The following DAAM2 variants were observed in gnomAD, a reference collection of about 807,000 sequenced individuals.
DAAM2 encodes disheveled-associated activator of morphogenesis 2.
A neutral mutation model predicts 120.7 loss-of-function variants in DAAM2; 39 were observed. That is an observed-to-expected ratio of 0.32 (90% CI 0.25 to 0.42). The LOEUF is 0.42. Ranked by LOEUF, DAAM2 falls within the 10% of genes least tolerant of loss-of-function variation. The pLI, the probability that DAAM2 is intolerant of heterozygous loss-of-function variation, is 1.00. For synonymous variants in DAAM2, 488 were observed against 524.9 expected, an observed-to-expected ratio of 0.93 and a Z score of 0.96; for missense variants, 1,283 against 1,401.7, an observed-to-expected ratio of 0.92 and a Z score of 1.35.
intron 10 of DAAM2, among the ~76,000 whole-genome samples, chr6:39,873,583 C>T (rs1764751807): frequency 6.6e-6 from 1 of 152,214 alleles, no homozygotes; most frequent in Non-Finnish European, 1.5e-5. Flanking sequence ...TGGCCCTGAG[C>T]AACTCCAACA....
At chr6:39,829,970 G>C (rs1337408360) in intron 1 of DAAM2, among the ~76,000 whole-genome samples, 1 of 152,226 alleles carries the variant, frequency 6.6e-6, no homozygotes, top group South Asian at 2.1e-4. Context: ...TCCCCACGCT[G>C]AGTTAGAGAC....
intron 1 of DAAM2, among the ~76,000 whole-genome samples, chr6:39,834,346 C>G (rs1032512667): frequency 1.1e-4 from 17 of 152,150 alleles, no homozygotes; most frequent in Non-Finnish European, 2.4e-4. Flanking sequence ...TATGACTTTT[C>G]ACTAACTGTT....
At chr6:39,861,554 G>C (rs993001618) in intron 3 of DAAM2, 3 of 212,120 alleles carry the variant, frequency 1.4e-5, no homozygotes, top group Non-Finnish European at 2.9e-5. Flanking sequence ...AGCTCCAGTG[G>C]GGCTTAATTG....
intron 7 of DAAM2, among the ~76,000 whole-genome samples, chr6:39,869,625 T>C (rs1363274568): frequency 1.3e-5 from 2 of 151,832 alleles, no homozygotes; most frequent in Non-Finnish European, 2.9e-5. Flanking sequence ...ATAGAAGAAC[T>C]TGAAGAGCAG....
At chr6:39,881,562 C>A (rs1765120499) in intron 14 of DAAM2, among the ~76,000 whole-genome samples, 1 of 151,614 alleles carries the variant, frequency 6.6e-6, no homozygotes, top group South Asian at 2.1e-4. Context: ...ACTAAAAATA[C>A]AAAAATTAGC....
rs112726052 is a variant in DAAM2 at position 39,878,160 on chromosome 6, A to G, written c.1302-43A>G. 0.012 allele frequency: 18,603 copies of G among 1,606,512 alleles called. 150 individuals carry two copies. The highest frequency in any genetic ancestry group is 0.014 in the Non-Finnish European group (16,668 of 1,174,384). ...ATGTCTCCTGGGAAGCTGTGAATCA[A>G]TGGTCAACAATCACATTGCCCCTTC... On this transcript the variant is annotated intron_variant, in intron 11 of 24. Transcript: ENST00000274867. The surrounding 1 kb of genome is among the most constrained non-coding windows in gnomAD (Gnocchi z 5.0).
At chr6:39,814,031 G>A (rs1330653751) in intron 1 of DAAM2, among the ~76,000 whole-genome samples, 1 of 152,154 alleles carries the variant, frequency 6.6e-6, no homozygotes, top group African/African-American at 2.4e-5. Flanking sequence ...TGGGATGGAG[G>A]ATCTTTTAAA....
At chr6:39,859,881 C>G (rs931267499) in intron 2 of DAAM2, among the ~76,000 whole-genome samples, 1 of 152,092 alleles carries the variant, frequency 6.6e-6, no homozygotes, top group Non-Finnish European at 1.5e-5. Context: ...GAAAAGATTA[C>G]AGATATCAAA....
In DAAM2 at chr6:39,807,219, T is replaced by G. The variant is rs891974411; in HGVS notation, c.-57+14754T>G. Among the ~76,000 whole-genome samples the G allele has an allele frequency of 2.0e-5, 3 of 150,410 alleles. No individual in the cohort carries two copies. The East Asian group carries it at 5.8e-4, about 29-fold the overall frequency. On this transcript the variant is annotated intron_variant, in intron 1 of 24. Coordinates refer to ENST00000274867, the MANE Select transcript of DAAM2 (RefSeq NM_001201427.2). ...AAAAAAAAAGGGTGCTAGACATTGT[T>G]AAAGACAGATACTAGTGACATATAA... is the stretch of plus-strand genomic sequence containing the variant.
chr6:39,826,572 A>G (rs1762681309), intron 1 of DAAM2, among the ~76,000 whole-genome samples: 2 of 152,060 alleles, frequency 1.3e-5, no homozygotes, highest in South Asian at 4.2e-4. Flanking sequence ...AACATATCCA[A>G]TTTGCCTCAC....
chr6:39,846,350 G>A lies in DAAM2; in HGVS notation c.-56-9897G>A, dbSNP rs187380921. Among the ~76,000 whole-genome samples the A allele has an allele frequency of 1.8e-3, 280 of 152,282 alleles. 4 individuals are homozygous for A. Among genetic ancestry groups the A allele is most frequent in the Admixed American group, 0.016 (246 of 15,294 alleles). ...TTCAATTCAAACAGCATCATTTAACGCCTCATATACTGTCTGACACAGATT... is the reference window on the plus strand; with the variant it reads ...TTCAATTCAAACAGCATCATTTAACACCTCATATACTGTCTGACACAGATT... On this transcript the variant is annotated intron_variant, in intron 1 of 24. Transcript: ENST00000274867.
rs767377772 is a variant in DAAM2, at chr6:39,902,059, G to A, written c.*22G>A. 2.5e-6 allele frequency: 4 copies of A among 1,572,892 alleles called. No individual in the cohort carries two copies. In the African/African-American group the frequency reaches 5.4e-5, roughly 21 times the overall value. On this transcript the variant is annotated 3_prime_UTR_variant, in exon 25 of 25. Transcript: ENST00000274867. Reference sequence around the variant, plus strand: ...TTGACCTGGGGAACTAGCCACACAGGAGGCCGGGAGACAGGGACTGGTGAG... The same window carrying A: ...TTGACCTGGGGAACTAGCCACACAGAAGGCCGGGAGACAGGGACTGGTGAG...
chr6:39,898,893 A>G lies in DAAM2; in HGVS notation c.2635A>G (p.Lys879Glu), dbSNP rs1360251219. ...TCCTTACAGCCTAGCAGAACTGGAG[A>G]AGGAGGTGGGCAACCTCAGGAGGGG... Reference protein sequence around the residue: ...AAKVNLAELEKEVGNLRRGLR... With the variant: ...AAKVNLAELEEEVGNLRRGLR... The change falls in exon 22 of 25, where the codon AAG (lysine) becomes GAG (glutamate). Residue 879 changes from lysine (K) to glutamate (E), a missense_variant. Physicochemically the swap from Lys to Glu is moderately conservative, Grantham distance 56 (BLOSUM62 1). Coordinates refer to ENST00000274867, the MANE Select transcript of DAAM2 (RefSeq NM_001201427.2). 2 of 1,612,734 alleles carry G rather than the reference A, an allele frequency of 1.2e-6. No individual in the cohort carries two copies. The highest frequency in any genetic ancestry group is 2.2e-5 in the South Asian group (2 of 90,598).
At chr6:39,892,912 TA>T (rs1765823515) in intron 19 of DAAM2, among the ~76,000 whole-genome samples, 1 of 152,152 alleles carries the variant, frequency 6.6e-6, no homozygotes, top group South Asian at 2.1e-4. Context: ...GTGGTAAGCA[TA>T]GATAATCAAT....
At chr6:39,833,155 C>G (rs998620055) in intron 1 of DAAM2, among the ~76,000 whole-genome samples, 2 of 152,204 alleles carry the variant, frequency 1.3e-5, no homozygotes, top group African/African-American at 2.4e-5. Context: ...CAAACCACCC[C>G]CTCCTCTCTT....
At chr6:39,852,255 T>C (rs1380972377) in intron 1 of DAAM2, among the ~76,000 whole-genome samples, 1 of 152,176 alleles carries the variant, frequency 6.6e-6, no homozygotes, top group Non-Finnish European at 1.5e-5. Context: ...GCTTCTCAAT[T>C]CTCCTCCGAG....
chr6:39,888,784 G>A, intron 17 of DAAM2, 21 bp downstream of exon 17: 3 of 1,601,890 alleles, frequency 1.9e-6, no homozygotes, highest in East Asian at 2.2e-5. Flanking sequence ...TCGTGGGAAG[G>A]AAGGGGAACT....
chr6:39,805,025 T>C (rs1251692727), intron 1 of DAAM2, among the ~76,000 whole-genome samples: 1 of 152,116 alleles, frequency 6.6e-6, no homozygotes, highest in East Asian at 1.9e-4. Context: ...TTTTTATTAA[T>C]AAGAAAGGAA....
At chr6:39,814,426 G>A (rs1208207221) in intron 1 of DAAM2, among the ~76,000 whole-genome samples, 1 of 152,160 alleles carries the variant, frequency 6.6e-6, no homozygotes, top group Non-Finnish European at 1.5e-5. Context: ...GGCCACAGAT[G>A]GAGCTCTGAT....
Sources: gnomAD v4.1 joint callset for allele counts (sites outside exome capture counted in the v4.1 genomes callset) on GRCh38, gnomAD v4.1.1 for gene constraint, Gnocchi (gnomAD v3.1) non-coding constraint, MANE v1.5 for transcripts, NCBI Gene and HGNC (gene_info 2026-07-23, HGNC 2026-07-21) for gene names.